Variants in PARM1 observed in about 807,000 individuals in gnomAD.
The protein encoded by PARM1 is prostate androgen-regulated mucin-like protein 1.
Under a neutral mutation model 24.6 loss-of-function variants are expected in PARM1, and 14 were observed. The observed-to-expected ratio is 0.57, with a 90% CI of 0.38 to 0.89. PARM1 has a LOEUF of 0.89. Among genes scored for constraint, PARM1 ranks in the 40% least tolerant of loss-of-function variants. The pLI is 0.00. For synonymous variants in PARM1, 179 were observed against 156.6 expected (o/e 1.14, Z -1.07); for missense variants, 362 against 380.4 (o/e 0.95, Z 0.40).
intron 2 of PARM1, among the ~76,000 whole-genome samples, chr4:75,015,775 T>C (rs374585569): frequency 6.6e-4 from 100 of 152,282 alleles, no homozygotes; most frequent in African/African-American, 2.2e-3. Flanking sequence ...AGTGGCAGCA[T>C]TGGGCCCTGT....
chr4:74,999,941 T>C (rs1241042052), intron 1 of PARM1, among the ~76,000 whole-genome samples: 1 of 152,094 alleles, frequency 6.6e-6, no homozygotes, highest in Non-Finnish European at 1.5e-5. Context: ...AACACAATCA[T>C]ATTTATCTGG....
At chr4:74,941,812 G>A (rs1349469490) in intron 1 of PARM1, among the ~76,000 whole-genome samples, 2 of 152,166 alleles carry the variant, frequency 1.3e-5, no homozygotes, top group South Asian at 2.1e-4. Context: ...GTGGTCTGGG[G>A]TTGCTTACTT....
chr4:75,014,666 G>A (rs979119943), intron 2 of PARM1, among the ~76,000 whole-genome samples: 2 of 152,164 alleles, frequency 1.3e-5, no homozygotes, highest in Admixed American at 1.3e-4. Context: ...GGGACCCACT[G>A]GTGTGGTCCA....
At chr4:74,993,660 C>G (rs1056479859) in intron 1 of PARM1, among the ~76,000 whole-genome samples, 8 of 152,024 alleles carry the variant, frequency 5.3e-5, no homozygotes, top group Non-Finnish European at 7.4e-5. Flanking sequence ...AAAAGAATAA[C>G]AATGGATTAT....
chr4:74,954,423 G>T (rs1299962465), intron 1 of PARM1, among the ~76,000 whole-genome samples: 2 of 152,194 alleles, frequency 1.3e-5, no homozygotes, highest in Admixed American at 6.5e-5. Flanking sequence ...GGATTTGAAA[G>T]TGTGCCTATG....
intron 2 of PARM1, among the ~76,000 whole-genome samples, chr4:75,025,558 A>T (rs1306491204): frequency 1.3e-5 from 2 of 152,160 alleles, no homozygotes; most frequent in South Asian, 4.1e-4. Flanking sequence ...GAAACTTTAA[A>T]ACCATGGTAA....
intron 1 of PARM1, among the ~76,000 whole-genome samples, chr4:74,988,050 G>A (rs1272886561): frequency 7.9e-5 from 12 of 152,216 alleles, no homozygotes; most frequent in Non-Finnish European, 1.8e-4. Context: ...CATTATGGGA[G>A]AGATGGCTGT....
chr4:75,017,261 C>T (rs957149384), intron 2 of PARM1, among the ~76,000 whole-genome samples: 1 of 152,172 alleles, frequency 6.6e-6, no homozygotes, highest in Non-Finnish European at 1.5e-5. Context: ...TTCAATCACT[C>T]CCCGCTCTGA....
chr4:75,046,096 G>A (rs868245291), intron 3 of PARM1, 67 bp from the exon 4 acceptor site: 8 of 960,606 alleles, frequency 8.3e-6, no homozygotes, highest in Admixed American at 3.6e-5. Context: ...TCAGTGCAGG[G>A]CATTACGCTG....
intron 2 of PARM1, among the ~76,000 whole-genome samples, chr4:75,016,304 A>C (rs984341913): frequency 6.6e-6 from 1 of 152,214 alleles, no homozygotes; most frequent in East Asian, 1.9e-4. Flanking sequence ...TTCAGAATCC[A>C]CGCAGAAGTT....
At chr4:74,975,553 T>C (rs1722127477) in intron 1 of PARM1, among the ~76,000 whole-genome samples, 1 of 152,226 alleles carries the variant, frequency 6.6e-6, no homozygotes, top group Non-Finnish European at 1.5e-5. Context: ...ATAAAATGCA[T>C]GTATTTCATG....
At chr4:74,976,617 TG>T (rs1722141395) in intron 1 of PARM1, among the ~76,000 whole-genome samples, 1 of 152,196 alleles carries the variant, frequency 6.6e-6, no homozygotes, top group South Asian at 2.1e-4. Flanking sequence ...GTACATTAAG[TG>T]GGTCACTGAT....
chr4:74,998,577 T>A, intron 1 of PARM1, among the ~76,000 whole-genome samples: 1 of 152,232 alleles, frequency 6.6e-6, no homozygotes, highest in African/African-American at 2.4e-5. Context: ...TTCAACTGAT[T>A]TAGTTCATTA....
At chr4:75,016,106 A>T (rs1379116262) in intron 2 of PARM1, among the ~76,000 whole-genome samples, 1 of 152,182 alleles carries the variant, frequency 6.6e-6, no homozygotes, top group Non-Finnish European at 1.5e-5. Context: ...ATATTATGGG[A>T]GTTAAATTTG....
chr4:74,988,283 C>G (rs1439934750), intron 1 of PARM1, among the ~76,000 whole-genome samples: 2 of 152,116 alleles, frequency 1.3e-5, no homozygotes, highest in Non-Finnish European at 2.9e-5. Context: ...GTTGTGTATA[C>G]AGTAGACATT....
chr4:74,933,718 C>G (rs1721117284), intron 1 of PARM1, among the ~76,000 whole-genome samples: 1 of 152,162 alleles, frequency 6.6e-6, no homozygotes, highest in South Asian at 2.1e-4. Context: ...CGCACTCTGC[C>G]AAAGTACGGG....
chr4:74,976,031 G>C lies in PARM1; in HGVS notation c.44-36394G>C, dbSNP rs80084242. Among the ~76,000 whole-genome samples, 1,516 of 152,272 alleles carry C rather than the reference G, an allele frequency of 1.0e-2. 32 individuals carry two copies. The highest frequency in any genetic ancestry group is 0.035 in the African/African-American group (1,462 of 41,532). ...TTCCTACCCCCAACCAAGGGAGGTG[G>C]TGAGTGATTGTGCTACCTCACCAGG... On this transcript the variant is annotated intron_variant, in intron 1 of 3. Transcript: ENST00000307428.
intron 2 of PARM1, among the ~76,000 whole-genome samples, chr4:75,029,872 A>G (rs951049772): frequency 6.6e-6 from 1 of 150,990 alleles, no homozygotes; most frequent in Non-Finnish European, 1.5e-5. Flanking sequence ...GACAATGATT[A>G]GGCTAAAAAA....
At chr4:74,976,416 T>C (rs1037085976) in intron 1 of PARM1, among the ~76,000 whole-genome samples, 2 of 152,158 alleles carry the variant, frequency 1.3e-5, no homozygotes, top group African/African-American at 4.8e-5. Flanking sequence ...ATTTCAGCAA[T>C]TCTAGCCAGG....
Sources: gnomAD v4.1 joint callset for allele counts (sites outside exome capture counted in the v4.1 genomes callset) on GRCh38, gnomAD v4.1.1 for gene constraint, MANE v1.5 for transcripts, NCBI Gene and HGNC (gene_info 2026-07-23, HGNC 2026-07-21) for gene names.